The following CNNM3 variants were observed in gnomAD, a reference collection of about 807,000 sequenced individuals.
CNNM3 encodes metal transporter CNNM3.
CNNM3 carries 47 observed loss-of-function variants against 57.1 expected under a neutral mutation model. The ratio of observed to expected loss-of-function variants is 0.82; its 90% CI spans 0.65 to 1.05. The LOEUF (loss-of-function observed/expected upper bound fraction) is 1.05. Ranked by LOEUF, CNNM3 falls within the 50% of genes least tolerant of loss-of-function variation. The probability of loss-of-function intolerance (pLI) is 0.00; values close to 1 mark genes in which losing one functional copy is unlikely to be tolerated. For missense variants in CNNM3, 957 were observed against 973.7 expected (o/e 0.98, Z 0.23); for synonymous variants, 507 against 478.2 (o/e 1.06, Z -0.79).
downstream of CNNM3, chr2:96,836,615 A>C (rs1457466764): frequency 6.6e-6 from 1 of 152,170 alleles, no homozygotes; most frequent in Non-Finnish European, 1.5e-5. Flanking sequence ...CATGAGCTCA[A>C]GTGATCTGCC....
Position 96,827,778 on chromosome 2 carries a change from C to T in CNNM3, c.1567C>T (p.His523Tyr), listed in dbSNP as rs1278050729. 2.5e-6 allele frequency: 4 copies of T among 1,614,216 alleles called. No homozygotes were observed. Among genetic ancestry groups the T allele is most frequent in the Non-Finnish European group, 2.5e-6 (3 of 1,180,028 alleles). Residue 523 changes from histidine (H) to tyrosine (Y), a missense_variant, in exon 4 of 8, where the codon CAC becomes TAC. Coordinates refer to ENST00000305510, the MANE Select transcript of CNNM3 (RefSeq NM_017623.5). ...PLRISEKVLL[H>Y]LLKHPSVNQE... ...GCGCATCTCTGAGAAGGTCCTGCTGCACCTGTTGAAGCATCCCAGTGTCAA... is the reference window on the plus strand; with the variant it reads ...GCGCATCTCTGAGAAGGTCCTGCTGTACCTGTTGAAGCATCCCAGTGTCAA...
rs570857317 is a variant in CNNM3, at chr2:96,832,771, A to G, written c.*155A>G. 3 of 1,509,966 alleles carry G rather than the reference A, an allele frequency of 2.0e-6. No individual in the cohort carries two copies. Among genetic ancestry groups the G allele is most frequent in the South Asian group, 2.5e-5 (2 of 80,008 alleles). The allele number at this position is 1,509,966 out of a possible 1,614,324, so 93.5% of individuals were successfully genotyped here. A position where few individuals can be genotyped will look rare whatever the true frequency, so the allele number is the denominator to read the frequency against. On this transcript the variant is annotated 3_prime_UTR_variant, in exon 8 of 8. Transcript: ENST00000305510. ...GCGGGTCCTGGGTGTCCTCAGAACT[A>G]GACATCAATGCCTGGATCCTTCAGC...
At position 96,816,689 on chromosome 2, in the gene CNNM3, G is replaced by A; in HGVS notation, c.412G>A (p.Gly138Ser). Reference protein sequence around the residue: ...AEEAAPPWALGLGAAGLLALA... With the variant: ...AEEAAPPWALSLGAAGLLALA... ...GGAGGCGGCGCCGCCCTGGGCTCTG[G>A]GCCTGGGGGCGGCCGGGCTGCTGGC... Residue 138 changes from glycine to serine, a missense_variant, in exon 1 of 8, where the codon GGC (glycine) becomes AGC (serine). Physicochemically the swap from Gly to Ser is moderately conservative, Grantham distance 56. Transcript: ENST00000305510. 9.8e-7 allele frequency: 1 copy of A among 1,018,560 alleles called. No individual in the cohort carries two copies. The highest frequency in any genetic ancestry group is 1.2e-6 in the Non-Finnish European group (1 of 853,680). The allele number at this position is 1,018,560 out of a possible 1,614,324, so 63.1% of individuals were successfully genotyped here. A position where few individuals can be genotyped will look rare whatever the true frequency, so the allele number is the denominator to read the frequency against.
At chr2:96,821,962 A>C (rs62152795) in intron 1 of CNNM3, among the ~76,000 whole-genome samples, 41,144 of 151,736 alleles carry the variant, frequency 0.27, 11,637 homozygotes, top group African/African-American at 0.72. Context: ...ATTGTTAAGT[A>C]AGGGACCTTA....
At position 96,817,598 on chromosome 2, in the gene CNNM3, C is replaced by T. The variant is rs1574097607; in HGVS notation, c.1225+96C>T. On this transcript the variant is annotated intron_variant, in intron 1 of 7. Transcript: ENST00000305510. ...TGGAAGCCTTCTGGAAAGGGTCCCA[C>T]CCCTGTGGAGAGCAGTGAGACCTCT... 3.2e-6 allele frequency: 4 copies of T among 1,252,570 alleles called. No individual in the cohort carries two copies. The East Asian group carries it at 9.3e-5, about 29-fold the overall frequency. The allele number at this position is 1,252,570 out of a possible 1,614,324, so 77.6% of individuals were successfully genotyped here. A position where few individuals can be genotyped will look rare whatever the true frequency, so the allele number is the denominator to read the frequency against.
chr2:96,823,435 C>T (rs536978081), intron 1 of CNNM3, among the ~76,000 whole-genome samples: 2 of 152,294 alleles, frequency 1.3e-5, no homozygotes, highest in Admixed American at 6.5e-5. Context: ...CAGGTTTGTA[C>T]TCTGGTGGGG....
At chr2:96,835,812 G>A (rs936440909), downstream of CNNM3, among the ~76,000 whole-genome samples, 1 of 152,130 alleles carries the variant, frequency 6.6e-6, no homozygotes, top group African/African-American at 2.4e-5. Context: ...AGGATGATCA[G>A]TTTCCCTGAA....
rs1421057726 is a variant in CNNM3 at position 96,816,630 on chromosome 2, C to A, written c.353C>A (p.Ala118Glu). The change falls in exon 1 of 8, where the codon GCG becomes GAG. Residue 118 changes from alanine to glutamate, a missense_variant. Ala to Glu is a moderately radical substitution (Grantham distance 107, BLOSUM62 -1). This residue lies in a region of CNNM3 where 466 missense variants were observed against 403.1 expected (regional missense o/e 1.16). Transcript: ENST00000305510. ...GTGCGCCCGCACTCGGCGCTGCTGG[C>A]GGTGCGCGTGGAGCCGGGTGGCGGG... ...EAVRPHSALL[A>E]VRVEPGGGAA... is the part of the protein sequence containing the mutation. 2.6e-6 allele frequency: 3 copies of A among 1,146,046 alleles called. No individual in the cohort carries two copies. The highest frequency in any genetic ancestry group is 2.1e-6 in the Non-Finnish European group (2 of 933,824). 71.0% of individuals were successfully genotyped at this position (1,146,046 alleles called of 1,614,324 possible). A position where few individuals can be genotyped will look rare whatever the true frequency, so the allele number is the denominator to read the frequency against.
rs776985814 is a variant in CNNM3, at chr2:96,816,448, G to A, written c.171G>A (p.Thr57=). The A allele has an allele frequency of 8.2e-5, 118 of 1,436,228 alleles. No individual in the cohort carries two copies. The highest frequency in any genetic ancestry group is 1.4e-4 in the South Asian group (10 of 69,782). 89.0% of individuals were successfully genotyped at this position (1,436,228 alleles called of 1,614,324 possible). A position where few individuals can be genotyped will look rare whatever the true frequency, so the allele number is the denominator to read the frequency against. The part of the protein sequence containing the change: ...GWVRGGAARD[T]PDATFLLRLF... ...TACGCGGAGGGGCGGCGCGGGACACGCCGGACGCCACCTTCCTCCTGCGCC... is the reference window on the plus strand; with the variant it reads ...TACGCGGAGGGGCGGCGCGGGACACACCGGACGCCACCTTCCTCCTGCGCC... Residue 57 remains threonine, a synonymous_variant, in exon 1 of 8, where the codon ACG becomes ACA. Coordinates refer to ENST00000305510, the MANE Select transcript of CNNM3 (RefSeq NM_017623.5).
At position 96,817,051 on chromosome 2, in the gene CNNM3, C is replaced by G. The variant is rs1392179064; in HGVS notation, c.774C>G (p.Leu258=). ...CGCTGGCGCCGCGAGCGCTCGGCCT[C>G]AGCCGCCTGGCCGTCCTGCTCACTC... ...TLALAPRALG[L]SRLAVLLTLP... The change falls in exon 1 of 8, where the codon CTC becomes CTG. Residue 258 remains leucine, a synonymous_variant. Transcript: ENST00000305510. The G allele has an allele frequency of 7.3e-7, 1 of 1,371,178 alleles. No individual in the cohort carries two copies. The highest frequency in any genetic ancestry group is 9.4e-7 in the Non-Finnish European group (1 of 1,062,300). 84.9% of individuals were successfully genotyped at this position (1,371,178 alleles called of 1,614,324 possible).
chr2:96,823,229 G>C (rs1466275972), intron 1 of CNNM3, among the ~76,000 whole-genome samples: 1 of 152,218 alleles, frequency 6.6e-6, no homozygotes, highest in Admixed American at 6.5e-5. Context: ...TTGTTCTAGA[G>C]AAGTTTGAAA....
intron 5 of CNNM3, 72 bp downstream of exon 5, chr2:96,828,267 G>A: frequency 2.4e-6 from 3 of 1,243,384 alleles, no homozygotes; most frequent in Non-Finnish European, 3.5e-6. Context: ...CATCACTTGG[G>A]CTCTCAGTGC....
chr2:96,826,933 A>G lies in CNNM3; in HGVS notation c.1470A>G (p.Val490=). 1 of 1,614,210 alleles carries G rather than the reference A, an allele frequency of 6.2e-7. No homozygotes were observed. Residue 490 remains valine (V), a synonymous_variant, in exon 3 of 8, where the codon GTA becomes GTG. Transcript: ENST00000305510. ...LFKVSDDEYK[V]TISPQLLLAT... The stretch of plus-strand genomic sequence containing the variant: ...AGGTGTCTGATGATGAATATAAAGT[A>G]ACAATCTCGCCTCAGCTGCTCTTGG...
chr2:96,827,449 G>A (rs972516150), intron 3 of CNNM3, among the ~76,000 whole-genome samples: 10 of 152,068 alleles, frequency 6.6e-5, no homozygotes, highest in African/African-American at 2.4e-4. Context: ...TGTATTTTTA[G>A]TAGAGGCGGG....
Position 96,816,655 on chromosome 2 carries a change from G to GGCGGCTGAGGAGGCGGC in CNNM3, c.381_397dup (p.Pro133ArgfsTer30), listed in dbSNP as rs2079323247. ...CGGTGCGCGTGGAGCCGGGTGGCGG[G>GGCGGCTGAGGAGGCGGC]GCGGCTGAGGAGGCGGCGCCGCCCT... On this transcript the variant is annotated frameshift_variant, in exon 1 of 8. Transcript: ENST00000305510. LOFTEE classifies it high-confidence loss of function. The GGCGGCTGAGGAGGCGGC allele has an allele frequency of 9.4e-7, 1 of 1,067,490 alleles. No individual in the cohort carries two copies. Among genetic ancestry groups the GGCGGCTGAGGAGGCGGC allele is most frequent in the Non-Finnish European group, 1.1e-6 (1 of 885,242 alleles). The allele number at this position is 1,067,490 out of a possible 1,614,324, so 66.1% of individuals were successfully genotyped here. A position where few individuals can be genotyped will look rare whatever the true frequency, so the allele number is the denominator to read the frequency against.
In CNNM3 at chr2:96,833,077, G is replaced by A. The variant is rs1033704031; in HGVS notation, c.*461G>A. The A allele has an allele frequency of 6.6e-5, 82 of 1,233,432 alleles. No homozygotes were observed. In the South Asian group the frequency reaches 9.9e-4, roughly 15 times the overall value. 76.4% of individuals were successfully genotyped at this position (1,233,432 alleles called of 1,614,324 possible). On this transcript the variant is annotated 3_prime_UTR_variant, in exon 8 of 8. Transcript: ENST00000305510. ...GCAGCACTTTTTGAGCAAGCCGAGA[G>A]CACCCATTTTGGCTGGGGGTTCAGA...
rs1216710340 is a variant in CNNM3 at position 96,825,143 on chromosome 2, G to C, written c.1311G>C (p.Leu437=). The C allele has an allele frequency of 1.9e-6, 3 of 1,614,058 alleles. No individual in the cohort carries two copies. Among genetic ancestry groups the C allele is most frequent in the Middle Eastern group, 3.3e-4 (2 of 6,078 alleles). The change falls in exon 2 of 8, where the codon CTG becomes CTC. Residue 437 remains leucine, a synonymous_variant. Transcript: ENST00000305510. ...ACGAGGTCCTGGGCCTGGTCACCCT[G>C]GAGGACGTGATCGAGGAGATCATCA... The part of the protein sequence containing the change: ...PFYEVLGLVT[L]EDVIEEIIRS...
In CNNM3 at chr2:96,835,204, T is replaced by A. The variant is rs1449132017; in HGVS notation, c.*2588T>A. 6.6e-6 allele frequency among the ~76,000 whole-genome samples: 1 copy of A among 152,210 alleles called. No homozygotes were observed. Among genetic ancestry groups the A allele is most frequent in the Non-Finnish European group, 1.5e-5 (1 of 68,038 alleles). ...AGCATAGTGTGTAAGCATTCGGGAT[T>A]GTCTTTTTTCACTCGGCGTCATTCT... On this transcript the variant is annotated 3_prime_UTR_variant, in exon 8 of 8. Transcript: ENST00000305510.
chr2:96,827,700 G>T, intron 3 of CNNM3, 31 bp from the exon 4 acceptor site: 1 of 1,599,324 alleles, frequency 6.3e-7, no homozygotes, highest in South Asian at 1.1e-5. Context: ...AGGCCCCAGT[G>T]GACACTGTCC....
Sources: gnomAD v4.1 joint callset for allele counts (sites outside exome capture counted in the v4.1 genomes callset) on GRCh38, gnomAD v4.1.1 for gene constraint, gnomAD v4.1.1 regional missense constraint, MANE v1.5 for transcripts, NCBI Gene and HGNC (gene_info 2026-07-23, HGNC 2026-07-21) for gene names.